ZNF181: variants seen among roughly 807,000 people sequenced by gnomAD.
ZNF181 encodes zinc finger protein 181 (HHZ181).
Under a neutral mutation model 11.9 loss-of-function variants are expected in ZNF181, and 8 were observed. That is an observed-to-expected ratio of 0.67 (90% CI 0.39 to 1.21). The LOEUF (loss-of-function observed/expected upper bound fraction) is 1.21. ZNF181 is among the 50% of genes most tolerant of loss of function. The pLI, the probability that ZNF181 is intolerant of heterozygous loss-of-function variation, is 0.01. For synonymous variants in ZNF181, 202 were observed against 221.1 expected (o/e 0.91, Z 0.77); for missense variants, 542 against 670.9 (o/e 0.81, Z 2.12).
Position 34,742,180 on chromosome 19 carries a change from G to A in ZNF181, c.*83G>A. 7.2e-7 allele frequency: 1 copy of A among 1,398,354 alleles called. No homozygotes were observed. The highest frequency in any genetic ancestry group is 9.6e-7 in the Non-Finnish European group (1 of 1,037,458). The allele number at this position is 1,398,354 out of a possible 1,614,324, so 86.6% of individuals were successfully genotyped here. On this transcript the variant is annotated 3_prime_UTR_variant, in exon 4 of 4. Transcript: ENST00000492450. ...TTATACTGGGGAAAGTCTTATGAAT[G>A]TGGTGAATATAGGAAGACCTTTTAG... is the stretch of plus-strand genomic sequence containing the variant.
In ZNF181 at chr19:34,742,120, T is replaced by C. The variant is rs778684675; in HGVS notation, c.*23T>C. On this transcript the variant is annotated 3_prime_UTR_variant, in exon 4 of 4. Coordinates refer to ENST00000492450, the MANE Select transcript of ZNF181 (RefSeq NM_001029997.4). ...TGAAGCAGTGGTTATCATGGTAAAT[T>C]TCCTAGATTCTCCCTTATTTAACAT... 2.6e-6 allele frequency: 4 copies of C among 1,515,376 alleles called. No individual in the cohort carries two copies. In the South Asian group the frequency reaches 5.6e-5, roughly 21 times the overall value. The allele number at this position is 1,515,376 out of a possible 1,614,324, so 93.9% of individuals were successfully genotyped here. A position where few individuals can be genotyped will look rare whatever the true frequency, so the allele number is the denominator to read the frequency against.
In ZNF181 at chr19:34,741,141, C is replaced by A; in HGVS notation, c.760C>A (p.Arg254Ser). ...KAFGKQSILN[R>S]HWRIHTGEKP... The stretch of plus-strand genomic sequence containing the variant: ...CTTTGGCAAACAGTCAATCCTCAAT[C>A]GCCACTGGAGAATTCATACAGGAGA... The change falls in exon 4 of 4, where the codon CGC (arginine) becomes AGC (serine). Residue 254 changes from arginine (R) to serine (S), a missense_variant. By Grantham distance (110) the Arg-to-Ser change is moderately radical. Coordinates refer to ENST00000492450, the MANE Select transcript of ZNF181 (RefSeq NM_001029997.4). The A allele has an allele frequency of 6.2e-7, 1 of 1,614,144 alleles. No homozygotes were observed. Among genetic ancestry groups the A allele is most frequent in the Non-Finnish European group, 8.5e-7 (1 of 1,179,984 alleles).
chr19:34,737,764 C>T (rs1375543929), intron 1 of ZNF181, among the ~76,000 whole-genome samples: 1 of 152,192 alleles, frequency 6.6e-6, no homozygotes, highest in African/African-American at 2.4e-5. Flanking sequence ...AACTGTTTCA[C>T]CTCAGATCAT....
chr19:34,739,461 C>T (rs1466200531), intron 2 of ZNF181, 62 bp from the exon 3 acceptor site: 8 of 1,604,578 alleles, frequency 5.0e-6, no homozygotes, highest in South Asian at 2.2e-5. Context: ...TGTGGTCCCT[C>T]TTGTGATGGC....
chr19:34,735,655 A>G (rs2068876919), intron 1 of ZNF181, among the ~76,000 whole-genome samples: 1 of 152,030 alleles, frequency 6.6e-6, no homozygotes, highest in South Asian at 2.1e-4. Context: ...CTCAACCTAT[A>G]ATTTTTCAGT....
chr19:34,736,204 G>A, intron 1 of ZNF181: 1 of 702,400 alleles, frequency 1.4e-6, no homozygotes, highest in Non-Finnish European at 2.6e-6. Context: ...CATAGGAGGG[G>A]ATGTGAGTAG....
chr19:34,739,587 G>C lies in ZNF181; in HGVS notation c.195G>C (p.Met65Ile). 3 of 1,614,116 alleles carry C rather than the reference G, an allele frequency of 1.9e-6. No homozygotes were observed. The highest frequency in any genetic ancestry group is 2.5e-6 in the Non-Finnish European group (3 of 1,179,980). Residue 65 changes from methionine (M) to isoleucine (I), a missense_variant, in exon 3 of 4, where the codon ATG (methionine) becomes ATC (isoleucine). Transcript: ENST00000492450. ...TGGAGGATGGAAAAGAGCCCTGGAT[G>C]ATGGAGAAAAAACTGTCAAAAGGTA... is the stretch of plus-strand genomic sequence containing the variant. ...TLLEDGKEPW[M>I]MEKKLSKGMI...
chr19:34,741,205 G>C lies in ZNF181; in HGVS notation c.824G>C (p.Ser275Thr), dbSNP rs1342467044. Residue 275 changes from serine (S) to threonine (T), a missense_variant, in exon 4 of 4, where the codon AGC (serine) becomes ACC (threonine). Ser to Thr is a moderately conservative substitution (Grantham distance 58, BLOSUM62 1). Coordinates refer to ENST00000492450, the MANE Select transcript of ZNF181 (RefSeq NM_001029997.4). ...YECRECGKTF[S>T]HGSSLTRHLI... The stretch of plus-strand genomic sequence containing the variant: ...TGTCGTGAATGTGGGAAGACTTTTA[G>C]CCATGGCTCATCCCTTACACGACAT... 1 of 1,614,084 alleles carries C rather than the reference G, an allele frequency of 6.2e-7. No individual in the cohort carries two copies. The highest frequency in any genetic ancestry group is 1.7e-5 in the Admixed American group (1 of 60,016).
rs1344987122 is a variant in ZNF181, at chr19:34,740,946, A to C, written c.565A>C (p.Lys189Gln). 6.2e-7 allele frequency: 1 copy of C among 1,613,686 alleles called. No homozygotes were observed. The highest frequency in any genetic ancestry group is 8.5e-7 in the Non-Finnish European group (1 of 1,179,888). The change falls in exon 4 of 4, where the codon AAG becomes CAG. Residue 189 changes from lysine (K) to glutamine (Q), a missense_variant. Transcript: ENST00000492450. ...EGNSHKYDIL[K>Q]KNLPKKSVIK... ...GAATTCACACAAATATGATATATTA[A>C]AGAAGAACTTACCAAAAAAGTCAGT...
chr19:34,741,251 G>T lies in ZNF181; in HGVS notation c.870G>T (p.Glu290Asp). Residue 290 changes from glutamate to aspartate, a missense_variant, in exon 4 of 4, where the codon GAG (glutamate) becomes GAT (aspartate). Physicochemically the swap from Glu to Asp is conservative, Grantham distance 45. Transcript: ENST00000492450. ...GACATCTGATAAGCCATAGTGGAGA[G>T]AAACCTTACAAATGTATTGAATGTG... ...LTRHLISHSG[E>D]KPYKCIECGK... The T allele has an allele frequency of 3.7e-6, 6 of 1,613,982 alleles. No homozygotes were observed. The highest frequency in any genetic ancestry group is 5.1e-6 in the Non-Finnish European group (6 of 1,179,896).
Position 34,741,102 on chromosome 19 carries a change from G to C in ZNF181, c.721G>C (p.Glu241Gln). ...TAGAGAGAAAATCTATACATGCAGTGAATGTGGGAAAGCCTTTGGCAAACA... is the reference window on the plus strand; with the variant it reads ...TAGAGAGAAAATCTATACATGCAGTCAATGTGGGAAAGCCTTTGGCAAACA... ...CNREKIYTCS[E>Q]CGKAFGKQSI... is the part of the protein sequence containing the mutation. Residue 241 changes from glutamate (E) to glutamine (Q), a missense_variant, in exon 4 of 4, where the codon GAA (glutamate) becomes CAA (glutamine). Physicochemically the swap from Glu to Gln is conservative, Grantham distance 29. Coordinates refer to ENST00000492450, the MANE Select transcript of ZNF181 (RefSeq NM_001029997.4). The C allele has an allele frequency of 6.2e-7, 1 of 1,614,126 alleles. No homozygotes were observed. Among genetic ancestry groups the C allele is most frequent in the Non-Finnish European group, 8.5e-7 (1 of 1,179,948 alleles).
At position 34,740,850 on chromosome 19, in the gene ZNF181, T is replaced by C; in HGVS notation, c.469T>C (p.Tyr157His). 1 of 1,614,090 alleles carries C rather than the reference T, an allele frequency of 6.2e-7. No homozygotes were observed. Among genetic ancestry groups the C allele is most frequent in the Non-Finnish European group, 8.5e-7 (1 of 1,180,000 alleles). ...ESPTADSVYK[Y>H]NIFRSTFHSK... ...CCCCACTGCAGACAGTGTTTACAAA[T>C]ACAATATATTTAGAAGCACCTTTCA... Residue 157 changes from tyrosine (Y) to histidine (H), a missense_variant, in exon 4 of 4, where the codon TAC (tyrosine) becomes CAC (histidine). Physicochemically the swap from Tyr to His is moderately conservative, Grantham distance 83 (BLOSUM62 2). Transcript: ENST00000492450.
chr19:34,741,704 C>G lies in ZNF181; in HGVS notation c.1323C>G (p.Ser441=). The G allele has an allele frequency of 6.2e-7, 1 of 1,613,822 alleles. No individual in the cohort carries two copies. Residue 441 remains serine (S), a synonymous_variant, in exon 4 of 4, where the codon TCC becomes TCG. Transcript: ENST00000492450. Reference sequence around the variant, plus strand: ...TTGAATGTCAGAAATGCAGGAAATCCTTCAACCAGCTTGAATCACTGAATA... The same window carrying G: ...TTGAATGTCAGAAATGCAGGAAATCGTTCAACCAGCTTGAATCACTGAATA... ...KPFECQKCRK[S]FNQLESLNMH... is the part of the protein sequence containing the mutation.
rs1268331010 is a variant in ZNF181 at position 34,740,854 on chromosome 19, A to G, written c.473A>G (p.Asn158Ser). The G allele has an allele frequency of 3.1e-6, 5 of 1,613,966 alleles. No homozygotes were observed. The highest frequency in any genetic ancestry group is 1.7e-5 in the Admixed American group (1 of 59,976). The change falls in exon 4 of 4, where the codon AAT (asparagine) becomes AGT (serine). Residue 158 changes from asparagine to serine, a missense_variant. Physicochemically the swap from Asn to Ser is conservative, Grantham distance 46. Transcript: ENST00000492450. ...SPTADSVYKYNIFRSTFHSKS... is the reference protein window; with the variant it reads ...SPTADSVYKYSIFRSTFHSKS... ...ACTGCAGACAGTGTTTACAAATACA[A>G]TATATTTAGAAGCACCTTTCATTCA...
chr19:34,736,869 G>T (rs1374475142), intron 1 of ZNF181, among the ~76,000 whole-genome samples: 9 of 152,192 alleles, frequency 5.9e-5, no homozygotes, highest in Non-Finnish European at 1.3e-4. Context: ...ACCCCAGGCT[G>T]CCCAGACAAC....
In ZNF181 at chr19:34,741,549, T is replaced by C; in HGVS notation, c.1168T>C (p.Ser390Pro). The C allele has an allele frequency of 6.2e-7, 1 of 1,614,012 alleles. No individual in the cohort carries two copies. The highest frequency in any genetic ancestry group is 8.5e-7 in the Non-Finnish European group (1 of 1,179,962). Residue 390 changes from serine to proline, a missense_variant, in exon 4 of 4, where the codon TCA becomes CCA. Coordinates refer to ENST00000492450, the MANE Select transcript of ZNF181 (RefSeq NM_001029997.4). Reference protein sequence around the residue: ...RECGKAFCCSSHLTRHQRIHT... With the variant: ...RECGKAFCCSPHLTRHQRIHT... ...ATGTGGGAAAGCTTTCTGCTGTAGC[T>C]CACACCTTACTCGACATCAAAGAAT...
At chr19:34,735,138 C>T in intron 1 of ZNF181, 92 bp downstream of exon 1, 2 of 1,416,436 alleles carry the variant, frequency 1.4e-6, no homozygotes, top group Middle Eastern at 1.8e-4. Flanking sequence ...CTAACCAAGT[C>T]CATTTAAGGG....
intron 1 of ZNF181, among the ~76,000 whole-genome samples, chr19:34,737,828 G>T (rs998363905): frequency 6.6e-5 from 10 of 152,252 alleles, no homozygotes; most frequent in African/African-American, 2.4e-4. Flanking sequence ...CCTTGCATGC[G>T]CACTTCACAG....
intron 1 of ZNF181, among the ~76,000 whole-genome samples, chr19:34,738,245 C>T (rs2068915216): frequency 6.6e-6 from 1 of 152,122 alleles, no homozygotes; most frequent in African/African-American, 2.4e-5. Flanking sequence ...AGTCCAAGAT[C>T]AAGGGGCAGG....
Sources: gnomAD v4.1 joint callset for allele counts (sites outside exome capture counted in the v4.1 genomes callset) on GRCh38, gnomAD v4.1.1 for gene constraint, MANE v1.5 for transcripts, NCBI Gene and HGNC (gene_info 2026-07-23, HGNC 2026-07-21) for gene names.